AK7: variants seen among roughly 807,000 people sequenced by gnomAD.
AK7 encodes adenylate kinase 7.
Under a neutral mutation model 96.6 loss-of-function variants are expected in AK7, and 78 were observed. The observed-to-expected ratio is 0.81, with a 90% confidence interval of 0.67 to 0.97. AK7 has a LOEUF of 0.97. Among genes scored for constraint, AK7 ranks in the 50% least tolerant of loss-of-function variants. AK7 has a pLI of 0.00. For synonymous variants in AK7, 302 were observed against 317.2 expected, an observed-to-expected ratio of 0.95 and a Z score of 0.51; for missense variants, 855 against 887.9, an observed-to-expected ratio of 0.96 and a Z score of 0.47.
intron 12 of AK7, among the ~76,000 whole-genome samples, chr14:96,459,394 C>CA (rs1401080704): frequency 1.3e-5 from 2 of 151,920 alleles, no homozygotes; most frequent in African/African-American, 4.8e-5. Flanking sequence ...ACCCAGGAGG[C>CA]AGAGGTTGCA....
chr14:96,472,620 A>C, intron 13 of AK7, 67 bp from the exon 14 acceptor site: 8 of 1,310,832 alleles, frequency 6.1e-6, no homozygotes, highest in Non-Finnish European at 8.7e-6. Flanking sequence ...GATATTTGGA[A>C]TTTTTTGCTG....
chr14:96,410,452 C>T (rs553627903), intron 4 of AK7, among the ~76,000 whole-genome samples: 1 of 152,312 alleles, frequency 6.6e-6, no homozygotes, highest in South Asian at 2.1e-4. Flanking sequence ...GAGGATTCAA[C>T]GATGTCCTCA....
Position 96,449,860 on chromosome 14 carries a change from A to G in AK7, c.929A>G (p.Tyr310Cys). 1.9e-6 allele frequency: 3 copies of G among 1,608,522 alleles called. No individual in the cohort carries two copies. The highest frequency in any genetic ancestry group is 2.5e-6 in the Non-Finnish European group (3 of 1,177,080). The change falls in exon 9 of 18, where the codon TAC (tyrosine) becomes TGC (cysteine). Residue 310 changes from tyrosine to cysteine, a missense_variant. Transcript: ENST00000267584. ...KIQKIPRENA[Y>C]LTKDLTQDCL... ...CAGAAAATACCCAGAGAAAATGCAT[A>G]CCTAACCAAGGACTTAACGGTTAGT...
At chr14:96,413,511 C>T (rs925621187) in intron 4 of AK7, among the ~76,000 whole-genome samples, 8 of 152,202 alleles carry the variant, frequency 5.3e-5, no homozygotes, top group South Asian at 2.1e-4. Context: ...CTGCGCCTGC[C>T]GGGCAACCCC....
intron 12 of AK7, among the ~76,000 whole-genome samples, chr14:96,464,035 C>G (rs371873218): frequency 6.6e-6 from 1 of 151,824 alleles, no homozygotes; most frequent in Non-Finnish European, 1.5e-5. Context: ...TTAGATCTCA[C>G]GCAGGAAAAA....
intron 12 of AK7, among the ~76,000 whole-genome samples, chr14:96,468,456 C>T (rs557800382): frequency 2.2e-4 from 34 of 152,018 alleles, no homozygotes; most frequent in South Asian, 1.9e-3. Context: ...CCACCACGCC[C>T]GGCTAATTAT....
rs543494193 is a variant in AK7 at position 96,399,528 on chromosome 14, C to T, written c.294+1265C>T. ...CCTGCCACCACTGAACTTCAGGAGACCAGCCGCATTTGCAGGTCTCACCCC... is the reference window on the plus strand; with the variant it reads ...CCTGCCACCACTGAACTTCAGGAGATCAGCCGCATTTGCAGGTCTCACCCC... On this transcript the variant is annotated intron_variant, in intron 2 of 17. Transcript: ENST00000267584. This position sits in a 1 kb window ranked among gnomAD's most constrained non-coding sequence, Gnocchi z 4.1. Among the ~76,000 whole-genome samples the T allele has an allele frequency of 6.6e-6, 1 of 152,362 alleles. No homozygotes were observed. Among genetic ancestry groups the T allele is most frequent in the African/African-American group, 2.4e-5 (1 of 41,590 alleles).
intron 10 of AK7, among the ~76,000 whole-genome samples, chr14:96,454,229 T>C (rs1030719666): frequency 6.6e-6 from 1 of 152,192 alleles, no homozygotes; most frequent in Non-Finnish European, 1.5e-5. Context: ...ACAGACACTC[T>C]ACCAATGCAA....
chr14:96,392,390 G>A, intron 1 of AK7, 131 bp downstream of exon 1: 1 of 721,128 alleles, frequency 1.4e-6, no homozygotes, highest in Non-Finnish European at 2.3e-6. Flanking sequence ...AGGGTCCCGC[G>A]TCCTGGGCAC....
chr14:96,429,081 G>T lies in AK7; in HGVS notation c.609+8149G>T, dbSNP rs556991884. On this transcript the variant is annotated intron_variant, in intron 5 of 17. Coordinates refer to ENST00000267584, the MANE Select transcript of AK7 (RefSeq NM_152327.5). ...GGTATTGCCTAGGTTTTCTTCTGGG[G>T]TTTTTATGGTTTTAGATTTAACATT... Among the ~76,000 whole-genome samples the T allele has an allele frequency of 9.2e-5, 14 of 152,230 alleles. No individual in the cohort carries two copies. The East Asian group carries it at 2.5e-3, about 27-fold the overall frequency.
intron 14 of AK7, among the ~76,000 whole-genome samples, chr14:96,474,814 A>G (rs893203724): frequency 6.6e-6 from 1 of 152,196 alleles, no homozygotes; most frequent in African/African-American, 2.4e-5. Flanking sequence ...ATTTCAGTTC[A>G]ACTGGCAATT....
At chr14:96,407,575 CTTTTCTTTTTT>C (rs1000381254) in intron 3 of AK7, among the ~76,000 whole-genome samples, 7 of 54,790 alleles carry the variant, frequency 1.3e-4, no homozygotes, top group African/African-American at 4.2e-4. Context: ...TTCTTTCTTT[CTTTTCTTTTTT>C]TTTTTTTTTT....
At chr14:96,425,865 C>G (rs1892000926) in intron 5 of AK7, among the ~76,000 whole-genome samples, 1 of 152,088 alleles carries the variant, frequency 6.6e-6, no homozygotes, top group Non-Finnish European at 1.5e-5. Flanking sequence ...CATGGAATAT[C>G]TTTTTCCATC....
At chr14:96,467,027 G>A (rs1894604688) in intron 12 of AK7, among the ~76,000 whole-genome samples, 1 of 138,886 alleles carries the variant, frequency 7.2e-6, no homozygotes, top group Admixed American at 7.7e-5. Context: ...GAGGAAATCT[G>A]TAAGTGTAGA....
At chr14:96,404,150 T>TAAAA (rs34091316) in intron 2 of AK7, among the ~76,000 whole-genome samples, 12 of 99,746 alleles carry the variant, frequency 1.2e-4, no homozygotes, top group East Asian at 5.6e-4. Context: ...TGTCTCAAAT[T>TAAAA]AAAAAAAAAA....
chr14:96,425,673 A>G (rs1252365868), intron 5 of AK7, among the ~76,000 whole-genome samples: 1 of 151,940 alleles, frequency 6.6e-6, no homozygotes, highest in East Asian at 1.9e-4. Flanking sequence ...TAGTAGAGAC[A>G]GGGTTTCACC....
chr14:96,457,830 A>G (rs190597308), intron 11 of AK7, among the ~76,000 whole-genome samples: 1 of 152,338 alleles, frequency 6.6e-6, no homozygotes, highest in East Asian at 1.9e-4. Context: ...ACACATTAGA[A>G]AGATGTTGGC....
At chr14:96,410,131 G>A (rs550569330) in intron 4 of AK7, among the ~76,000 whole-genome samples, 1 of 152,312 alleles carries the variant, frequency 6.6e-6, no homozygotes, top group East Asian at 1.9e-4. Flanking sequence ...CAAATGCTTT[G>A]TATTTGTTTA....
At chr14:96,460,241 A>G (rs1439852881) in intron 12 of AK7, among the ~76,000 whole-genome samples, 1 of 152,194 alleles carries the variant, frequency 6.6e-6, no homozygotes, top group South Asian at 2.1e-4. Context: ...AAATAAAGCC[A>G]TTTCATCATG....
Sources: gnomAD v4.1 joint callset for allele counts (sites outside exome capture counted in the v4.1 genomes callset) on GRCh38, gnomAD v4.1.1 for gene constraint, Gnocchi (gnomAD v3.1) non-coding constraint, MANE v1.5 for transcripts, NCBI Gene and HGNC (gene_info 2026-07-23, HGNC 2026-07-21) for gene names.